Variants in C10orf90 observed in about 807,000 individuals in gnomAD.
C10orf90 encodes chromosome 10 open reading frame 90.
C10orf90 carries 56 observed loss-of-function variants against 62.5 expected under a neutral mutation model. The ratio of observed to expected loss-of-function variants is 0.90; its 90% CI spans 0.72 to 1.12. C10orf90 has a LOEUF of 1.12. Ranked by LOEUF, C10orf90 falls within the 50% of genes most tolerant of loss-of-function variation. The pLI is 0.00. For synonymous variants in C10orf90, 386 were observed against 340.4 expected (o/e 1.13, Z -1.47); for missense variants, 970 against 880.4 (o/e 1.10, Z -1.29).
At position 126,493,345 on chromosome 10, in the gene C10orf90, T is replaced by G. The variant is rs1330261194; in HGVS notation, c.1534+10612A>C. On this transcript the variant is annotated intron_variant, in intron 4 of 9. Transcript: ENST00000488181. The stretch of plus-strand genomic sequence containing the variant: ...TTTTTGCTTATTTATATTTTAAGTT[T>G]TATAATAAACATGTTTTCCTTTTTT... Among the ~76,000 whole-genome samples the G allele has an allele frequency of 2.0e-5, 3 of 151,720 alleles. No individual in the cohort carries two copies. In the Admixed American group the frequency reaches 2.0e-4, roughly 10 times the overall value.
At chr10:126,470,319 G>A (rs1328777913) in intron 4 of C10orf90, among the ~76,000 whole-genome samples, 3 of 152,358 alleles carry the variant, frequency 2.0e-5, no homozygotes, top group East Asian at 1.9e-4. Flanking sequence ...AGCTTTTCAA[G>A]CAAGTGTTGT....
At chr10:126,458,901 G>T (rs1018950153) in intron 7 of C10orf90, 139 bp downstream of exon 7, 2 of 917,352 alleles carry the variant, frequency 2.2e-6, no homozygotes, top group African/African-American at 3.4e-5. Context: ...GATGCTGAGG[G>T]TCAGCCACTT....
chr10:126,480,719 C>T (rs1861121612), intron 4 of C10orf90, among the ~76,000 whole-genome samples: 1 of 152,218 alleles, frequency 6.6e-6, no homozygotes, highest in South Asian at 2.1e-4. Flanking sequence ...ACCCCTGCTT[C>T]CCTATGTTCT....
At chr10:126,622,080 G>A (rs891101894) in intron 2 of C10orf90, among the ~76,000 whole-genome samples, 1 of 152,056 alleles carries the variant, frequency 6.6e-6, no homozygotes, top group Non-Finnish European at 1.5e-5. Flanking sequence ...CCCAGAACGT[G>A]TTCCTTTTCA....
intron 4 of C10orf90, among the ~76,000 whole-genome samples, chr10:126,500,182 T>C (rs1331706732): frequency 6.6e-6 from 1 of 152,196 alleles, no homozygotes; most frequent in Non-Finnish European, 1.5e-5. Flanking sequence ...CAAATACCAG[T>C]ATTACTCCAG....
intron 1 of C10orf90, among the ~76,000 whole-genome samples, chr10:126,652,197 A>G (rs1846304357): frequency 6.6e-6 from 1 of 152,210 alleles, no homozygotes; most frequent in African/African-American, 2.4e-5. Context: ...TTATTGCTCT[A>G]CCATGATTCC....
In C10orf90 at chr10:126,626,293, A is replaced by T. The variant is rs143202317; in HGVS notation, c.313+20272T>A. 2.0e-4 allele frequency among the ~76,000 whole-genome samples: 31 copies of T among 152,228 alleles called. No individual in the cohort carries two copies. In the East Asian group the frequency reaches 5.8e-3, roughly 29 times the overall value. On this transcript the variant is annotated intron_variant, in intron 2 of 9. Coordinates refer to ENST00000488181, the MANE Select transcript of C10orf90 (RefSeq NM_001350921.2). Reference sequence around the variant, plus strand: ...CCCCCTCAGGACAGAAGCATCCTAGAACAGACAGGGAGGGGTTCTTCCTTC... The same window carrying T: ...CCCCCTCAGGACAGAAGCATCCTAGTACAGACAGGGAGGGGTTCTTCCTTC...
intron 7 of C10orf90, among the ~76,000 whole-genome samples, chr10:126,438,873 A>G (rs1858104182): frequency 6.6e-6 from 1 of 151,982 alleles, no homozygotes. Context: ...CTGAGAACCT[A>G]TACAACTGCT....
intron 4 of C10orf90, among the ~76,000 whole-genome samples, chr10:126,465,944 T>A (rs6597771): frequency 6.6e-6 from 1 of 152,014 alleles, no homozygotes; most frequent in Admixed American, 6.5e-5. Context: ...AGAGAAGATG[T>A]GGGAGACTGT....
intron 2 of C10orf90, among the ~76,000 whole-genome samples, chr10:126,540,559 T>A (rs1272244436): frequency 6.6e-6 from 1 of 151,584 alleles, no homozygotes; most frequent in Admixed American, 6.6e-5. Flanking sequence ...CTCAGGAGGC[T>A]AAGGTAGAAG....
intron 4 of C10orf90, among the ~76,000 whole-genome samples, chr10:126,472,295 A>G (rs1394055715): frequency 6.6e-6 from 1 of 152,260 alleles, no homozygotes. Context: ...CCTGACCTAT[A>G]GAAAAGTATT....
chr10:126,494,046 T>G (rs982750490), intron 4 of C10orf90, among the ~76,000 whole-genome samples: 1 of 152,184 alleles, frequency 6.6e-6, no homozygotes, highest in Non-Finnish European at 1.5e-5. Flanking sequence ...AGGATATTTA[T>G]GAAGGTTCAG....
chr10:126,426,683 G>A (rs760501291), intron 8 of C10orf90, among the ~76,000 whole-genome samples: 12 of 152,130 alleles, frequency 7.9e-5, no homozygotes, highest in Non-Finnish European at 1.5e-4. Flanking sequence ...CAACTTCATG[G>A]ACTGATGCCA....
At chr10:126,649,969 T>C (rs1846258575) in intron 1 of C10orf90, among the ~76,000 whole-genome samples, 1 of 149,828 alleles carries the variant, frequency 6.7e-6, no homozygotes, top group African/African-American at 2.5e-5. Flanking sequence ...GAATGGGAGC[T>C]TGGGAGGGAG....
At chr10:126,652,487 A>T (rs756726168) in intron 1 of C10orf90, among the ~76,000 whole-genome samples, 1 of 152,178 alleles carries the variant, frequency 6.6e-6, no homozygotes, top group Non-Finnish European at 1.5e-5. Context: ...GAGATGAATC[A>T]GGATGTAAAG....
intron 7 of C10orf90, among the ~76,000 whole-genome samples, chr10:126,454,942 G>A (rs1003733053): frequency 6.6e-6 from 1 of 151,972 alleles, no homozygotes; most frequent in African/African-American, 2.4e-5. Context: ...ACCTAATGTC[G>A]GAGACTTGAA....
At chr10:126,618,505 C>A in intron 2 of C10orf90, among the ~76,000 whole-genome samples, 1 of 152,144 alleles carries the variant, frequency 6.6e-6, no homozygotes, top group Admixed American at 6.5e-5. Context: ...TTTACACTTG[C>A]TTGATCTCCC....
chr10:126,620,923 T>A (rs1307308854), intron 2 of C10orf90, among the ~76,000 whole-genome samples: 4 of 152,206 alleles, frequency 2.6e-5, no homozygotes, highest in African/African-American at 9.7e-5. Flanking sequence ...TGGTCTTTAT[T>A]TTATATGCAT....
chr10:126,453,938 G>A lies in C10orf90; in HGVS notation c.2188+5102C>T, dbSNP rs1859365547. Among the ~76,000 whole-genome samples the A allele has an allele frequency of 6.6e-6, 1 of 152,186 alleles. No homozygotes were observed. Among genetic ancestry groups the A allele is most frequent in the Non-Finnish European group, 1.5e-5 (1 of 68,020 alleles). ...ATGAGACCAACTGGAAAGGTTGAGAGTGGGCAGAGTCAGGCTGAGAGGCGT... is the reference window on the plus strand; with the variant it reads ...ATGAGACCAACTGGAAAGGTTGAGAATGGGCAGAGTCAGGCTGAGAGGCGT... On this transcript the variant is annotated intron_variant, in intron 7 of 9. Coordinates refer to ENST00000488181, the MANE Select transcript of C10orf90 (RefSeq NM_001350921.2). The surrounding 1 kb of genome is among the most constrained non-coding windows in gnomAD (Gnocchi z 4.9).
Sources: gnomAD v4.1 joint callset for allele counts (sites outside exome capture counted in the v4.1 genomes callset) on GRCh38, gnomAD v4.1.1 for gene constraint, Gnocchi (gnomAD v3.1) non-coding constraint, MANE v1.5 for transcripts, NCBI Gene and HGNC (gene_info 2026-07-23, HGNC 2026-07-21) for gene names.